The following KCNIP4 variants were observed in gnomAD, a reference collection of about 807,000 sequenced individuals.
KCNIP4 encodes the protein potassium voltage-gated channel interacting protein 4.
KCNIP4 carries 12 observed loss-of-function variants against 34.0 expected under a neutral mutation model. The observed-to-expected ratio is 0.35, with a 90% CI of 0.23 to 0.57. KCNIP4 has a LOEUF of 0.57. Among genes scored for constraint, KCNIP4 ranks in the 20% least tolerant of loss-of-function variants. The pLI, the probability that KCNIP4 is intolerant of heterozygous loss-of-function variation, is 0.83. For synonymous variants in KCNIP4, 124 were observed against 102.2 expected, an observed-to-expected ratio of 1.21 and a Z score of -1.29; for missense variants, 238 against 311.7, an observed-to-expected ratio of 0.76 and a Z score of 1.78.
intron 1 of KCNIP4, among the ~76,000 whole-genome samples, chr4:21,091,474 T>A (rs151069632): frequency 1.1e-4 from 16 of 151,584 alleles, no homozygotes; most frequent in African/African-American, 3.6e-4. Flanking sequence ...GGGCTTGAAT[T>A]CTGGTTTCTC....
intron 1 of KCNIP4, among the ~76,000 whole-genome samples, chr4:21,094,539 G>C (rs923547203): frequency 6.6e-6 from 1 of 152,114 alleles, no homozygotes; most frequent in Non-Finnish European, 1.5e-5. Flanking sequence ...TTGTCAATAA[G>C]AATTGCCAGG....
intron 3 of KCNIP4, among the ~76,000 whole-genome samples, chr4:20,833,461 G>C (rs1327592735): frequency 6.7e-6 from 1 of 148,578 alleles, no homozygotes; most frequent in East Asian, 2.0e-4. Context: ...CTCCAGCCTG[G>C]GCAACAGAGT....
intron 1 of KCNIP4, among the ~76,000 whole-genome samples, chr4:21,022,505 G>A (rs1209160012): frequency 6.6e-6 from 1 of 152,152 alleles, no homozygotes; most frequent in Non-Finnish European, 1.5e-5. Flanking sequence ...TTACTGTTTT[G>A]GCTATATACA....
chr4:21,892,039 C>T (rs1177124219), intron 1 of KCNIP4, among the ~76,000 whole-genome samples: 2 of 151,940 alleles, frequency 1.3e-5, no homozygotes, highest in African/African-American at 2.4e-5. Context: ...CTGGATTTAC[C>T]GAGGTACATC....
chr4:21,224,268 T>C (rs995945357), intron 1 of KCNIP4, among the ~76,000 whole-genome samples: 1 of 152,018 alleles, frequency 6.6e-6, no homozygotes, highest in Non-Finnish European at 1.5e-5. Flanking sequence ...TGCTGGAAAA[T>C]TCTGTGTCTG....
chr4:21,645,328 T>C (rs971477010), intron 1 of KCNIP4, among the ~76,000 whole-genome samples: 8 of 152,150 alleles, frequency 5.3e-5, no homozygotes, highest in African/African-American at 1.9e-4. Context: ...AAGCAGAGAC[T>C]AGCTCCCAGG....
chr4:21,835,324 T>A (rs972232500), intron 1 of KCNIP4, among the ~76,000 whole-genome samples: 1 of 151,892 alleles, frequency 6.6e-6, no homozygotes, highest in Non-Finnish European at 1.5e-5. Flanking sequence ...GAAAAACAAA[T>A]AACATAATAG....
At chr4:20,941,631 T>C (rs918042070) in intron 1 of KCNIP4, among the ~76,000 whole-genome samples, 12 of 152,224 alleles carry the variant, frequency 7.9e-5, no homozygotes, top group African/African-American at 2.9e-4. Context: ...TACTGCTAAT[T>C]AGACATCCAA....
intron 1 of KCNIP4, among the ~76,000 whole-genome samples, chr4:21,053,386 C>T (rs768308171): frequency 6.6e-6 from 1 of 152,184 alleles, no homozygotes; most frequent in Non-Finnish European, 1.5e-5. Flanking sequence ...TAAAGAATGG[C>T]TACAGAAAAC....
chr4:21,126,192 T>C (rs553268429), intron 1 of KCNIP4, among the ~76,000 whole-genome samples: 1 of 152,244 alleles, frequency 6.6e-6, no homozygotes, highest in African/African-American at 2.4e-5. Flanking sequence ...ATAAATGCAG[T>C]CTATTATGTT....
chr4:21,432,132 A>ATATATATG (rs1726537154), intron 1 of KCNIP4, among the ~76,000 whole-genome samples: 2 of 121,618 alleles, frequency 1.6e-5, no homozygotes, highest in Non-Finnish European at 3.5e-5. Flanking sequence ...ATATATATAT[A>ATATATATG]TATATACAAT....
intron 1 of KCNIP4, among the ~76,000 whole-genome samples, chr4:21,020,885 G>A (rs4389575): frequency 0.53 from 81,259 of 151,950 alleles, 22,216 homozygotes; most frequent in African/African-American, 0.65. Context: ...CCTGAGACTA[G>A]ACAATTTGAG....
At chr4:21,000,351 T>C (rs1292456508) in intron 1 of KCNIP4, among the ~76,000 whole-genome samples, 1 of 151,954 alleles carries the variant, frequency 6.6e-6, no homozygotes, top group East Asian at 1.9e-4. Flanking sequence ...GATCAAGTCA[T>C]GTGACTCCTC....
rs564388897 is a variant in KCNIP4, at chr4:21,566,209, G to A, written c.61+382362C>T. Among the ~76,000 whole-genome samples the A allele has an allele frequency of 2.0e-5, 3 of 152,278 alleles. No individual in the cohort carries two copies. The East Asian group carries it at 5.8e-4, about 29-fold the overall frequency. ...ATGTTGGCAATAGTGTGAAGAATGA[G>A]TTGGTCTGGGATGAGACAGGTGGCA... On this transcript the variant is annotated intron_variant, in intron 1 of 8. Coordinates refer to ENST00000382152, the MANE Select transcript of KCNIP4 (RefSeq NM_025221.6).
intron 1 of KCNIP4, among the ~76,000 whole-genome samples, chr4:21,115,681 T>A (rs986911612): frequency 1.3e-5 from 2 of 152,130 alleles, no homozygotes; most frequent in Non-Finnish European, 2.9e-5. Flanking sequence ...TCAATAATGA[T>A]AAATTGGATT....
chr4:20,833,747 A>C (rs1718712856), intron 3 of KCNIP4, among the ~76,000 whole-genome samples: 1 of 152,140 alleles, frequency 6.6e-6, no homozygotes, highest in Non-Finnish European at 1.5e-5. Flanking sequence ...AGTGCAGTTA[A>C]TACACTCATA....
chr4:21,769,585 CAAG>C (rs1333264541), intron 1 of KCNIP4, among the ~76,000 whole-genome samples: 1 of 152,030 alleles, frequency 6.6e-6, no homozygotes, highest in African/African-American at 2.4e-5. Flanking sequence ...CTCTGTCATG[CAAG>C]AAGATTTTAT....
chr4:21,627,690 GT>G (rs1177190122), intron 1 of KCNIP4, among the ~76,000 whole-genome samples: 1 of 152,118 alleles, frequency 6.6e-6, no homozygotes, highest in African/African-American at 2.4e-5. Flanking sequence ...AAGAATTGTG[GT>G]TTCTGAAATT....
chr4:21,283,205 G>A (rs1225056503), intron 1 of KCNIP4, among the ~76,000 whole-genome samples: 2 of 152,124 alleles, frequency 1.3e-5, no homozygotes, highest in Non-Finnish European at 2.9e-5. Flanking sequence ...ATGGGTAGGT[G>A]GGATCTTATT....
Sources: allele counts gnomAD v4.1 joint callset (sites outside exome capture counted in the v4.1 genomes callset), GRCh38; gene constraint gnomAD v4.1.1; transcripts MANE v1.5; gene names NCBI Gene and HGNC (gene_info 2026-07-23, HGNC 2026-07-21).